The following ZFHX3 variants were observed in gnomAD, a reference collection of about 807,000 sequenced individuals.
ZFHX3 encodes the protein zinc finger homeobox 3, also known as zinc finger homeobox protein 3.
A neutral mutation model predicts 279.1 loss-of-function variants in ZFHX3; 42 were observed. The observed-to-expected ratio is 0.15, with a 90% CI of 0.12 to 0.19. ZFHX3 has a LOEUF of 0.19. ZFHX3 is among the 10% of genes least tolerant of loss of function. The probability of loss-of-function intolerance (pLI) is 1.00; values close to 1 mark genes in which losing one functional copy is unlikely to be tolerated. For synonymous variants in ZFHX3, 2,293 were observed against 1,957.8 expected, an observed-to-expected ratio of 1.17 and a Z score of -4.52; for missense variants, 4,981 against 4,754.0, an observed-to-expected ratio of 1.05 and a Z score of -1.40.
chr16:73,019,367 TGC>T (rs1555542115), intron 1 of ZFHX3, among the ~76,000 whole-genome samples: 6 of 143,412 alleles, frequency 4.2e-5, no homozygotes, highest in African/African-American at 1.5e-4. Context: ...TGTGTGTGTG[TGC>T]GTGTGCGTGT....
chr16:73,743,566 T>C (rs997217088), intron 1 of ZFHX3, among the ~76,000 whole-genome samples: 3 of 152,156 alleles, frequency 2.0e-5, no homozygotes, highest in Non-Finnish European at 2.9e-5. Flanking sequence ...ATGCTGACAA[T>C]TACCTATACT....
intron 8 of ZFHX3, among the ~76,000 whole-genome samples, chr16:73,089,270 A>G (rs935125034): frequency 3.3e-5 from 5 of 151,802 alleles, no homozygotes; most frequent in African/African-American, 1.2e-4. Context: ...CCCCCAGCTA[A>G]TTTTTGTATT....
At chr16:73,820,493 G>C (rs530811945) in intron 1 of ZFHX3, among the ~76,000 whole-genome samples, 4 of 152,150 alleles carry the variant, frequency 2.6e-5, no homozygotes, top group Admixed American at 2.6e-4. Flanking sequence ...TACAGGGAGA[G>C]GCCATGTGGA....
chr16:72,788,301 G>C lies in ZFHX3; in HGVS notation c.9975C>G (p.Gly3325=), dbSNP rs746288766. 6.2e-7 allele frequency: 1 copy of C among 1,614,084 alleles called. No individual in the cohort carries two copies. Among genetic ancestry groups the C allele is most frequent in the African/African-American group, 1.3e-5 (1 of 74,938 alleles). The change falls in exon 10 of 10, where the codon GGC becomes GGG. Residue 3325 remains glycine, a synonymous_variant. Coordinates refer to ENST00000268489, the MANE Select transcript of ZFHX3 (RefSeq NM_006885.4). ...GCTGCAGGTACCCGCTCTGCAGGGCGCCAGGGATCTGGGGAGCATAATAAG... is the reference window on the plus strand; with the variant it reads ...GCTGCAGGTACCCGCTCTGCAGGGCCCCAGGGATCTGGGGAGCATAATAAG... ...FSPYYAPQIP[G]ALQSGYLQPM...
chr16:73,340,693 G>A (rs1050686779), intron 3 of ZFHX3, among the ~76,000 whole-genome samples: 1 of 152,144 alleles, frequency 6.6e-6, no homozygotes, highest in African/African-American at 2.4e-5. Context: ...TTACTTGGTG[G>A]TGCTAGGACG....
intron 2 of ZFHX3, among the ~76,000 whole-genome samples, chr16:73,591,020 T>A (rs148652607): frequency 1.1e-3 from 166 of 152,016 alleles, no homozygotes; most frequent in African/African-American, 4.0e-3. Context: ...AACCGCAAAA[T>A]CCAAATCTTG....
At chr16:73,187,923 A>G (rs1967951239) in intron 5 of ZFHX3, among the ~76,000 whole-genome samples, 1 of 152,000 alleles carries the variant, frequency 6.6e-6, no homozygotes, top group African/African-American at 2.4e-5. Flanking sequence ...CAATGGCGTG[A>G]TCTCGGCTCA....
intron 4 of ZFHX3, among the ~76,000 whole-genome samples, chr16:72,852,552 A>G (rs2037643495): frequency 6.6e-6 from 1 of 152,248 alleles, no homozygotes; most frequent in Admixed American, 6.5e-5. Flanking sequence ...CCCAAAATGG[A>G]GACAGCTGTG....
At chr16:72,895,830 T>A (rs1306847741) in intron 3 of ZFHX3, among the ~76,000 whole-genome samples, 1 of 151,976 alleles carries the variant, frequency 6.6e-6, no homozygotes, top group Non-Finnish European at 1.5e-5. Context: ...TCTCAGTAAA[T>A]AGATTAGACA....
At chr16:73,537,326 T>C (rs1369985854) in intron 2 of ZFHX3, among the ~76,000 whole-genome samples, 1 of 143,224 alleles carries the variant, frequency 7.0e-6, no homozygotes, top group Non-Finnish European at 1.5e-5. Flanking sequence ...TTTTTTTTTT[T>C]TTTTTTTTTT....
chr16:72,805,842 G>A (rs569573802), intron 7 of ZFHX3, among the ~76,000 whole-genome samples: 14 of 152,166 alleles, frequency 9.2e-5, no homozygotes, highest in Middle Eastern at 3.4e-3. Flanking sequence ...GGGCCATGGC[G>A]TCTTTTTAAA....
At chr16:72,886,238 C>T (rs1442308461) in intron 4 of ZFHX3, among the ~76,000 whole-genome samples, 4 of 152,126 alleles carry the variant, frequency 2.6e-5, no homozygotes, top group Non-Finnish European at 5.9e-5. Context: ...ATGGACCGAA[C>T]TGGAGCCTGT....
At chr16:73,129,298 G>A (rs1966630899) in intron 7 of ZFHX3, among the ~76,000 whole-genome samples, 1 of 151,868 alleles carries the variant, frequency 6.6e-6, no homozygotes, top group African/African-American at 2.4e-5. Context: ...TGAGGCATGA[G>A]AATCGCTTGA....
At chr16:73,666,666 G>C (rs956407489) in intron 2 of ZFHX3, among the ~76,000 whole-genome samples, 1 of 151,814 alleles carries the variant, frequency 6.6e-6, no homozygotes, top group African/African-American at 2.4e-5. Flanking sequence ...TAGTGTACGG[G>C]TGTATGAATT....
At chr16:72,874,198 A>ATTTT (rs565664402) in intron 4 of ZFHX3, among the ~76,000 whole-genome samples, 1,081 of 95,090 alleles carry the variant, frequency 0.011, 72 homozygotes, top group Middle Eastern at 0.017. Context: ...GGATTTTTTG[A>ATTTT]TTTTTTTTTT....
At chr16:73,106,936 A>C (rs939623210) in intron 7 of ZFHX3, among the ~76,000 whole-genome samples, 4 of 152,198 alleles carry the variant, frequency 2.6e-5, no homozygotes, top group African/African-American at 9.6e-5. Context: ...TTGCTAATGG[A>C]TGGGACTAAC....
At chr16:73,682,978 G>GA (rs369698441) in intron 1 of ZFHX3, among the ~76,000 whole-genome samples, 7,260 of 37,094 alleles carry the variant, frequency 0.2, 652 homozygotes, top group East Asian at 0.37. Flanking sequence ...AAGAAAGAAA[G>GA]AAAGAAAGAA....
intron 1 of ZFHX3, among the ~76,000 whole-genome samples, chr16:73,738,548 C>T (rs1229846537): frequency 6.6e-6 from 1 of 152,210 alleles, no homozygotes; most frequent in African/African-American, 2.4e-5. Flanking sequence ...TTTGCTAGTT[C>T]TAAGGCTGAA....
At chr16:73,121,557 T>C (rs1966499218) in intron 7 of ZFHX3, among the ~76,000 whole-genome samples, 1 of 152,024 alleles carries the variant, frequency 6.6e-6, no homozygotes, top group South Asian at 2.1e-4. Flanking sequence ...CCTTCTAACA[T>C]CTTTCATGAT....
Sources: allele counts gnomAD v4.1 joint callset (sites outside exome capture counted in the v4.1 genomes callset), GRCh38; gene constraint gnomAD v4.1.1; transcripts MANE v1.5; gene names NCBI Gene and HGNC (gene_info 2026-07-23, HGNC 2026-07-21).